Variants in ADAMTS12 observed in about 807,000 individuals in gnomAD.
ADAMTS12 encodes A disintegrin and metalloproteinase with thrombospondin motifs 12.
ADAMTS12 carries 118 observed loss-of-function variants against 167.8 expected under a neutral mutation model. The ratio of observed to expected loss-of-function variants is 0.70; its 90% CI spans 0.61 to 0.82. The LOEUF (loss-of-function observed/expected upper bound fraction) is 0.82, where lower values mean the gene tolerates loss of function less well. ADAMTS12 is among the 40% of genes least tolerant of loss of function. The pLI, the probability that ADAMTS12 is intolerant of heterozygous loss-of-function variation, is 0.00. For missense variants in ADAMTS12, 1,916 were observed against 1,998.8 expected, an observed-to-expected ratio of 0.96 and a Z score of 0.79; for synonymous variants, 704 against 716.9, an observed-to-expected ratio of 0.98 and a Z score of 0.29.
At chr5:33,545,417 T>A (rs1333794036) in intron 22 of ADAMTS12, among the ~76,000 whole-genome samples, 1 of 152,092 alleles carries the variant, frequency 6.6e-6, no homozygotes, top group African/African-American at 2.4e-5. Flanking sequence ...TTGGTGGGAG[T>A]GTAAATTAGT....
intron 23 of ADAMTS12, 82 bp from the exon 24 acceptor site, chr5:33,527,448 G>C (rs868019646): frequency 3.0e-6 from 4 of 1,319,014 alleles, no homozygotes; most frequent in Middle Eastern, 4.0e-4. Context: ...ATTAATGTAA[G>C]ACTTTATATG....
At chr5:33,794,736 C>A (rs1482532167) in intron 2 of ADAMTS12, among the ~76,000 whole-genome samples, 1 of 152,162 alleles carries the variant, frequency 6.6e-6, no homozygotes, top group Non-Finnish European at 1.5e-5. Flanking sequence ...CTTGATATGG[C>A]AGGCATCTGA....
intron 5 of ADAMTS12, among the ~76,000 whole-genome samples, chr5:33,666,915 C>T (rs374470803): frequency 6.6e-6 from 1 of 152,214 alleles, no homozygotes; most frequent in East Asian, 1.9e-4. Flanking sequence ...AATAAAACCA[C>T]GTTTCATGCT....
At chr5:33,633,508 C>T (rs765337543) in intron 12 of ADAMTS12, among the ~76,000 whole-genome samples, 8 of 151,836 alleles carry the variant, frequency 5.3e-5, no homozygotes, top group Non-Finnish European at 7.4e-5. Flanking sequence ...AGAGCTCCCA[C>T]CACCATGACC....
At chr5:33,651,327 C>T (rs973819260) in intron 7 of ADAMTS12, among the ~76,000 whole-genome samples, 1 of 152,152 alleles carries the variant, frequency 6.6e-6, no homozygotes, top group Admixed American at 6.5e-5. Flanking sequence ...ATCTAGGGCC[C>T]TCACAAATGG....
At chr5:33,754,726 C>T (rs534057102) in intron 2 of ADAMTS12, among the ~76,000 whole-genome samples, 3 of 151,998 alleles carry the variant, frequency 2.0e-5, no homozygotes, top group African/African-American at 4.8e-5. Flanking sequence ...TGTGGTGGCA[C>T]GTGCCTGTAA....
At chr5:33,527,502 T>C in intron 23 of ADAMTS12, 136 bp from the exon 24 acceptor site, 2 of 818,650 alleles carry the variant, frequency 2.4e-6, no homozygotes, top group Non-Finnish European at 3.8e-6. Flanking sequence ...AGGTGGTATC[T>C]ACTGAATGTT....
intron 18 of ADAMTS12, among the ~76,000 whole-genome samples, chr5:33,581,758 T>C (rs1047888314): frequency 3.9e-5 from 6 of 152,186 alleles, no homozygotes; most frequent in African/African-American, 1.4e-4. Flanking sequence ...GAATTTGACC[T>C]TATTTGGAGA....
intron 3 of ADAMTS12, among the ~76,000 whole-genome samples, chr5:33,729,380 G>A (rs1254694756): frequency 2.6e-5 from 4 of 152,176 alleles, no homozygotes; most frequent in African/African-American, 9.7e-5. Flanking sequence ...GTCCCTAGTT[G>A]CATGATTACA....
chr5:33,815,501 C>A (rs1747617279), intron 2 of ADAMTS12, among the ~76,000 whole-genome samples: 1 of 152,190 alleles, frequency 6.6e-6, no homozygotes, highest in Middle Eastern at 3.2e-3. Context: ...CATCCTGGTG[C>A]CCTGATCTCA....
intron 3 of ADAMTS12, among the ~76,000 whole-genome samples, chr5:33,724,276 T>A (rs1743899295): frequency 6.6e-6 from 1 of 152,152 alleles, no homozygotes; most frequent in Admixed American, 6.5e-5. Flanking sequence ...GTGGAGAAAC[T>A]CTGGTTGATT....
chr5:33,731,311 G>C (rs574013461), intron 3 of ADAMTS12, among the ~76,000 whole-genome samples: 13 of 151,598 alleles, frequency 8.6e-5, no homozygotes, highest in African/African-American at 2.7e-4. Flanking sequence ...TCAGCCTTCC[G>C]AGTAGCTGGG....
chr5:33,728,454 C>T (rs927231568), intron 3 of ADAMTS12, among the ~76,000 whole-genome samples: 6 of 152,172 alleles, frequency 3.9e-5, no homozygotes, highest in African/African-American at 1.4e-4. Flanking sequence ...TTAACTCTGC[C>T]ACTTGCCTCC....
chr5:33,745,409 T>C (rs930032160), intron 3 of ADAMTS12, among the ~76,000 whole-genome samples: 22 of 152,234 alleles, frequency 1.4e-4, no homozygotes, highest in African/African-American at 5.3e-4. Context: ...ATTAAGACTT[T>C]CTGTCCTACA....
chr5:33,601,596 C>T (rs548899431), intron 16 of ADAMTS12, among the ~76,000 whole-genome samples: 1 of 152,300 alleles, frequency 6.6e-6, no homozygotes, highest in Admixed American at 6.5e-5. Flanking sequence ...ATGTAAACTC[C>T]TTCCTACAAA....
chr5:33,667,459 T>C (rs1741515511), intron 5 of ADAMTS12, among the ~76,000 whole-genome samples: 1 of 152,194 alleles, frequency 6.6e-6, no homozygotes, highest in African/African-American at 2.4e-5. Context: ...ATTTTTGGCA[T>C]ATTTGCATTT....
At chr5:33,848,021 C>T (rs980339982) in intron 2 of ADAMTS12, among the ~76,000 whole-genome samples, 1 of 152,020 alleles carries the variant, frequency 6.6e-6, no homozygotes, top group Non-Finnish European at 1.5e-5. Flanking sequence ...TTGAGACCAG[C>T]CTGGCCCATA....
At chr5:33,835,046 C>A (rs148577411) in intron 2 of ADAMTS12, among the ~76,000 whole-genome samples, 4 of 152,130 alleles carry the variant, frequency 2.6e-5, no homozygotes, top group African/African-American at 7.2e-5. Context: ...CCCAGGAATG[C>A]GGCTAACCAT....
chr5:33,881,738 T>G (rs958836472), intron 1 of ADAMTS12, among the ~76,000 whole-genome samples: 10 of 149,438 alleles, frequency 6.7e-5, no homozygotes, highest in Non-Finnish European at 1.0e-4. Context: ...AATTTTGTTT[T>G]TTTTTTTTTT....
Sources: allele counts gnomAD v4.1 joint callset (sites outside exome capture counted in the v4.1 genomes callset), GRCh38; gene constraint gnomAD v4.1.1; transcripts MANE v1.5; gene names NCBI Gene and HGNC (gene_info 2026-07-23, HGNC 2026-07-21).